The following MTOR variants were observed in gnomAD, a reference collection of about 807,000 sequenced individuals.
MTOR encodes mechanistic target of rapamycin kinase.
MTOR carries 70 observed loss-of-function variants against 319.8 expected under a neutral mutation model. That is an observed-to-expected ratio of 0.22 (90% confidence interval 0.18 to 0.27). The LOEUF is 0.27. Ranked by LOEUF, MTOR falls within the 10% of genes least tolerant of loss-of-function variation. MTOR has a pLI of 1.00. For missense variants in MTOR, 1,890 were observed against 3,274.4 expected, an observed-to-expected ratio of 0.58 and a Z score of 10.32; for synonymous variants, 1,183 against 1,211.4, an observed-to-expected ratio of 0.98 and a Z score of 0.49.
In MTOR at chr1:11,240,408, G is replaced by A. The variant is rs1647853573; in HGVS notation, c.1681C>T (p.Leu561=). The A allele has an allele frequency of 6.2e-7, 1 of 1,614,128 alleles. No individual in the cohort carries two copies. The highest frequency in any genetic ancestry group is 8.5e-7 in the Non-Finnish European group (1 of 1,180,048). ...CCAGGAGAGGCCAGCTGATGGGCCA[G>A]GCCCTTGGGCATGCCTGGGTGGCGA... ...PLRHPGMPKG[L]AHQLASPGLT... The change falls in exon 11 of 58, where the codon CTG becomes TTG. Residue 561 remains leucine (L), a synonymous_variant. Coordinates refer to ENST00000361445, the MANE Select transcript of MTOR (RefSeq NM_004958.4).
chr1:11,251,894 G>A (rs1200696067), intron 6 of MTOR, among the ~76,000 whole-genome samples: 1 of 152,132 alleles, frequency 6.6e-6, no homozygotes, highest in African/African-American at 2.4e-5. Context: ...GTTTTAATGG[G>A]AGGAAACAAA....
chr1:11,119,221 A>G (rs1212399870), intron 49 of MTOR, among the ~76,000 whole-genome samples: 2 of 151,736 alleles, frequency 1.3e-5, no homozygotes, highest in Non-Finnish European at 2.9e-5. Context: ...ACTCGAGGCT[A>G]GGAGTTTGAG....
chr1:11,129,716 G>T lies in MTOR; in HGVS notation c.5714+22C>A. On this transcript the variant is annotated intron_variant, in intron 40 of 57. Coordinates refer to ENST00000361445, the MANE Select transcript of MTOR (RefSeq NM_004958.4). This position sits in a 1 kb window ranked among gnomAD's most constrained non-coding sequence, Gnocchi z 4.7. The stretch of plus-strand genomic sequence containing the variant: ...GCCATTAACATGGCCTACCAGAGTT[G>T]CATCCTTCCCTTCTCTGATACCTGA... 1 of 1,601,280 alleles carries T rather than the reference G, an allele frequency of 6.2e-7. No homozygotes were observed. Among genetic ancestry groups the T allele is most frequent in the Non-Finnish European group, 8.6e-7 (1 of 1,168,778 alleles).
At chr1:11,237,310 C>T (rs141430648) in intron 13 of MTOR, among the ~76,000 whole-genome samples, 175 of 152,250 alleles carry the variant, frequency 1.1e-3, no homozygotes, top group African/African-American at 3.7e-3. Context: ...TTCTACCTTA[C>T]GCTACAGACC....
At chr1:11,200,875 C>T (rs368406024) in intron 26 of MTOR, among the ~76,000 whole-genome samples, 5 of 151,750 alleles carry the variant, frequency 3.3e-5, no homozygotes, top group African/African-American at 4.8e-5. Context: ...ATTAGCCGGG[C>T]GCGGTGGTGG....
chr1:11,117,361 A>G (rs1642224919), intron 49 of MTOR, among the ~76,000 whole-genome samples: 1 of 152,084 alleles, frequency 6.6e-6, no homozygotes, highest in South Asian at 2.1e-4. Flanking sequence ...GGGTTTCACT[A>G]TGTTGGCCAG....
intron 34 of MTOR, 117 bp from the exon 35 acceptor site, chr1:11,139,775 T>C (rs906934501): frequency 7.8e-7 from 1 of 1,289,550 alleles, no homozygotes; most frequent in Non-Finnish European, 1.1e-6. Flanking sequence ...CACTGCAACC[T>C]CTGCCTCCCG....
chr1:11,134,520 G>A, intron 36 of MTOR, 54 bp from the exon 37 acceptor site: 2 of 1,481,282 alleles, frequency 1.4e-6, no homozygotes, highest in Non-Finnish European at 9.4e-7. Context: ...CAGCTTCAGA[G>A]GAAGGGAGCT....
At chr1:11,261,487 A>C (rs1402259234) in intron 1 of MTOR, among the ~76,000 whole-genome samples, 1 of 151,904 alleles carries the variant, frequency 6.6e-6, no homozygotes, top group African/African-American at 2.4e-5. Context: ...AAAACAAAAA[A>C]CACCAATTAG....
intron 54 of MTOR, chr1:11,111,706 TG>T (rs964335921): frequency 6.6e-6 from 1 of 152,594 alleles, no homozygotes; most frequent in African/African-American, 2.4e-5. Context: ...TAATGCTTTC[TG>T]TGCTTCTTCA....
chr1:11,206,242 T>C (rs1646134200), intron 25 of MTOR, among the ~76,000 whole-genome samples: 2 of 152,252 alleles, frequency 1.3e-5, no homozygotes, highest in South Asian at 4.1e-4. Flanking sequence ...TATTATATTA[T>C]ACAGCAATTG....
At chr1:11,233,270 G>C (rs1647082602) in intron 15 of MTOR, 128 bp downstream of exon 15, 1 of 874,104 alleles carries the variant, frequency 1.1e-6, no homozygotes, top group Admixed American at 2.3e-5. Flanking sequence ...TGAATGCATT[G>C]TTGGCTGGGT....
intron 30 of MTOR, among the ~76,000 whole-genome samples, chr1:11,154,448 T>C (rs962718701): frequency 2.0e-5 from 3 of 151,668 alleles, no homozygotes; most frequent in Admixed American, 1.3e-4. Flanking sequence ...AAAATAAAAA[T>C]AAATAAAAAT....
At chr1:11,182,197 A>G (rs1333393734) in intron 28 of MTOR, among the ~76,000 whole-genome samples, 2 of 151,806 alleles carry the variant, frequency 1.3e-5, no homozygotes, top group Non-Finnish European at 2.9e-5. Flanking sequence ...AGCCTGGGCA[A>G]TAAGAGCGAA....
chr1:11,250,245 G>C (rs866127720), intron 6 of MTOR, among the ~76,000 whole-genome samples: 1 of 123,774 alleles, frequency 8.1e-6, no homozygotes, highest in Non-Finnish European at 1.7e-5. Context: ...CCTCCCTCCC[G>C]GACGGGGCGG....
In MTOR at chr1:11,199,768, C is replaced by T. The variant is rs187254740; in HGVS notation, c.3945-65G>A. 1 of 1,565,754 alleles carries T rather than the reference C, an allele frequency of 6.4e-7. No individual in the cohort carries two copies. The highest frequency in any genetic ancestry group is 8.7e-7 in the Non-Finnish European group (1 of 1,145,024). On this transcript the variant is annotated intron_variant, in intron 26 of 57. Coordinates refer to ENST00000361445, the MANE Select transcript of MTOR (RefSeq NM_004958.4). This position sits in a 1 kb window ranked among gnomAD's most constrained non-coding sequence, Gnocchi z 4.5. ...GCCTCTGCCTGCTGCCTCAAAGTCA[C>T]ACCTATCAATTCGCTTTTGGCATCA...
intron 57 of MTOR, among the ~76,000 whole-genome samples, chr1:11,107,884 A>C (rs1280580574): frequency 1.3e-5 from 2 of 152,208 alleles, no homozygotes; most frequent in Non-Finnish European, 2.9e-5. Context: ...CTGGACTGAC[A>C]GCAAAACCCA....
chr1:11,207,432 A>ATTTTT, intron 25 of MTOR, among the ~76,000 whole-genome samples: 1 of 50,660 alleles, frequency 2.0e-5, no homozygotes. Context: ...TTTTTTGAAG[A>ATTTTT]GAATCTTGCT....
chr1:11,187,607 T>C (rs964531079), intron 28 of MTOR, among the ~76,000 whole-genome samples: 9 of 152,206 alleles, frequency 5.9e-5, no homozygotes. Flanking sequence ...TAGGGACCCC[T>C]GCTATACATG....
Sources: allele counts gnomAD v4.1 joint callset (sites outside exome capture counted in the v4.1 genomes callset), GRCh38; gene constraint gnomAD v4.1.1; non-coding constraint Gnocchi (gnomAD v3.1); transcripts MANE v1.5; gene names NCBI Gene and HGNC (gene_info 2026-07-23, HGNC 2026-07-21).